The following CADM2 variants were observed in gnomAD, a reference collection of about 807,000 sequenced individuals.
The protein encoded by CADM2 is immunoglobulin superfamily member 4D.
In CADM2, 12 loss-of-function variants were observed where a neutral mutation model predicts 49.8. The observed-to-expected ratio is 0.24, with a 90% CI of 0.15 to 0.39. The LOEUF is 0.39. Ranked by LOEUF, CADM2 falls within the 10% of genes least tolerant of loss-of-function variation. The pLI, the probability that CADM2 is intolerant of heterozygous loss-of-function variation, is 1.00. For missense variants in CADM2, 378 were observed against 492.3 expected (o/e 0.77, Z 2.20); for synonymous variants, 214 against 175.4 (o/e 1.22, Z -1.74).
chr3:85,552,562 A>G (rs2061838976), intron 1 of CADM2, among the ~76,000 whole-genome samples: 1 of 151,648 alleles, frequency 6.6e-6, no homozygotes, highest in African/African-American at 2.4e-5. Flanking sequence ...TTGTATGTTT[A>G]GTAGAGACGG....
At chr3:85,661,349 T>A (rs769406513) in intron 1 of CADM2, among the ~76,000 whole-genome samples, 1 of 151,596 alleles carries the variant, frequency 6.6e-6, no homozygotes, top group Non-Finnish European at 1.5e-5. Context: ...ATGGATTTTT[T>A]AATTTGGGAG....
chr3:85,539,636 T>G (rs2107023092), intron 1 of CADM2, among the ~76,000 whole-genome samples: 1 of 152,300 alleles, frequency 6.6e-6, no homozygotes, highest in South Asian at 2.1e-4. Flanking sequence ...GTTCATTTAC[T>G]TGCCAATGAC....
At position 86,037,802 on chromosome 3, in the gene CADM2, A is replaced by G. The variant is rs1446975877; in HGVS notation, c.971-27803A>G. 2.6e-5 allele frequency among the ~76,000 whole-genome samples: 4 copies of G among 152,094 alleles called. No individual in the cohort carries two copies. The East Asian group carries it at 7.7e-4, about 29-fold the overall frequency. ...TAGAAAATATTAACTTAGGGCTAAG[A>G]GTTCTGTTAAGTTGTGGATTTTTTA... On this transcript the variant is annotated intron_variant, in intron 8 of 9. Coordinates refer to ENST00000383699, the MANE Select transcript of CADM2 (RefSeq NM_001167675.2).
intron 1 of CADM2, among the ~76,000 whole-genome samples, chr3:85,468,289 C>T (rs1357382396): frequency 3.3e-5 from 5 of 151,922 alleles, no homozygotes; most frequent in African/African-American, 1.2e-4. Context: ...TGGTTGCCTC[C>T]CCCGTAGAGA....
intron 1 of CADM2, among the ~76,000 whole-genome samples, chr3:85,024,164 C>G (rs1371407801): frequency 6.6e-6 from 1 of 152,022 alleles, no homozygotes. Context: ...GATGTAAAAG[C>G]CACAAATATC....
At chr3:85,957,042 G>C (rs1724151943) in intron 7 of CADM2, among the ~76,000 whole-genome samples, 1 of 151,522 alleles carries the variant, frequency 6.6e-6, no homozygotes, top group African/African-American at 2.4e-5. Flanking sequence ...ATTTTAATAT[G>C]GGTCTTATGT....
At chr3:85,717,377 C>G (rs937998589) in intron 1 of CADM2, among the ~76,000 whole-genome samples, 7 of 152,122 alleles carry the variant, frequency 4.6e-5, no homozygotes, top group African/African-American at 1.7e-4. Context: ...TGCTTATGAG[C>G]TTAAGGATTT....
At chr3:85,463,870 A>C (rs1238845056) in intron 1 of CADM2, among the ~76,000 whole-genome samples, 2 of 152,166 alleles carry the variant, frequency 1.3e-5, no homozygotes, top group Non-Finnish European at 2.9e-5. Context: ...CACAATTGCA[A>C]TACGTTTTAT....
intron 1 of CADM2, among the ~76,000 whole-genome samples, chr3:85,371,663 G>A (rs1207795109): frequency 3.2e-5 from 3 of 92,346 alleles, no homozygotes; most frequent in African/African-American, 9.9e-5. Context: ...ATATATATAT[G>A]TGTGTGTGTG....
chr3:86,012,611 G>A (rs1559800302), intron 8 of CADM2: 1 of 1,581,746 alleles, frequency 6.3e-7, no homozygotes, highest in Non-Finnish European at 8.6e-7. Flanking sequence ...CACGCAGTCC[G>A]ACCTGGCCTT....
chr3:85,939,466 AAAACAC>A (rs1227586899), intron 7 of CADM2, among the ~76,000 whole-genome samples: 3 of 44,424 alleles, frequency 6.8e-5, no homozygotes, highest in African/African-American at 3.1e-4. Flanking sequence ...AAAGTAAACG[AAAACAC>A]ACACACACAC....
At chr3:85,822,921 T>C (rs2108192980) in intron 3 of CADM2, among the ~76,000 whole-genome samples, 1 of 152,308 alleles carries the variant, frequency 6.6e-6, no homozygotes, top group South Asian at 2.1e-4. Flanking sequence ...TTGTAGAAAC[T>C]CTATTATTCT....
chr3:85,874,921 A>G (rs562986091), intron 3 of CADM2, among the ~76,000 whole-genome samples: 13 of 152,164 alleles, frequency 8.5e-5, no homozygotes, highest in African/African-American at 1.4e-4. Flanking sequence ...TAAAACTACA[A>G]TACTAAACAT....
rs1334097463 is a variant in CADM2 at position 85,945,194 on chromosome 3, C to A, written c.791+9337C>A. On this transcript the variant is annotated intron_variant, in intron 7 of 9. Coordinates refer to ENST00000383699, the MANE Select transcript of CADM2 (RefSeq NM_001167675.2). ...AAAATCTAGAAGAAATGGATAAATT[C>A]CTCGACACATACACCCTCCCAAGAC... 2.6e-5 allele frequency among the ~76,000 whole-genome samples: 4 copies of A among 152,184 alleles called. No individual in the cohort carries two copies. In the South Asian group the frequency reaches 8.3e-4, roughly 32 times the overall value.
At chr3:85,653,255 G>A (rs893406565) in intron 1 of CADM2, among the ~76,000 whole-genome samples, 5 of 149,634 alleles carry the variant, frequency 3.3e-5, no homozygotes, top group African/African-American at 1.2e-4. Flanking sequence ...GCAAGGAGGG[G>A]AGCCATAGGA....
At chr3:84,961,096 C>T (rs1056252993) in intron 1 of CADM2, among the ~76,000 whole-genome samples, 3 of 151,922 alleles carry the variant, frequency 2.0e-5, no homozygotes, top group African/African-American at 7.3e-5. Context: ...ATTAATTTTT[C>T]CCTGGGTAAA....
At chr3:85,474,105 ATTAG>A (rs922703037) in intron 1 of CADM2, among the ~76,000 whole-genome samples, 5 of 151,842 alleles carry the variant, frequency 3.3e-5, no homozygotes, top group African/African-American at 7.2e-5. Context: ...CAATATTTGT[ATTAG>A]TTAGGGATCT....
chr3:85,227,452 CTTT>C (rs143104896), intron 1 of CADM2, among the ~76,000 whole-genome samples: 4 of 120,828 alleles, frequency 3.3e-5, no homozygotes, highest in Non-Finnish European at 5.2e-5. Flanking sequence ...GCAACCCCTG[CTTT>C]TTTTTTTTTT....
chr3:86,021,081 C>T (rs893052010), intron 8 of CADM2, among the ~76,000 whole-genome samples: 1 of 152,122 alleles, frequency 6.6e-6, no homozygotes, highest in African/African-American at 2.4e-5. Context: ...CTCACTGCAA[C>T]CTCCGCCTCC....
Sources: allele counts gnomAD v4.1 joint callset (sites outside exome capture counted in the v4.1 genomes callset), GRCh38; gene constraint gnomAD v4.1.1; transcripts MANE v1.5; gene names NCBI Gene and HGNC (gene_info 2026-07-23, HGNC 2026-07-21).